The following USP54 variants were observed in gnomAD, a reference collection of about 807,000 sequenced individuals.
USP54 encodes the protein ubiquitin carboxyl-terminal hydrolase 54.
Under a neutral mutation model 170.5 loss-of-function variants are expected in USP54, and 87 were observed. The ratio of observed to expected loss-of-function variants is 0.51; its 90% CI spans 0.43 to 0.61. The LOEUF (loss-of-function observed/expected upper bound fraction) is 0.61, where lower values mean the gene tolerates loss of function less well. Ranked by LOEUF, USP54 falls within the 20% of genes least tolerant of loss-of-function variation. The pLI is 0.00. For missense variants in USP54, 1,786 were observed against 2,047.8 expected (o/e 0.87, Z 2.47); for synonymous variants, 655 against 742.8 (o/e 0.88, Z 1.92).
At chr10:73,543,497 G>C (rs1349462071) in intron 5 of USP54, among the ~76,000 whole-genome samples, 1 of 152,052 alleles carries the variant, frequency 6.6e-6, no homozygotes, top group East Asian at 1.9e-4. Context: ...CTCCCGAGTA[G>C]CTGGGACTAC....
chr10:73,530,246 T>G lies in USP54; in HGVS notation c.1725A>C (p.Thr575=), dbSNP rs571350636. 2 of 1,614,186 alleles carry G rather than the reference T, an allele frequency of 1.2e-6. No individual in the cohort carries two copies. The highest frequency in any genetic ancestry group is 2.2e-5 in the East Asian group (1 of 44,882). The part of the protein sequence containing the change: ...KSSSSSKYRP[T]WRPKRESLNI... ...TCAGAGATTCTCGTTTGGGTCTCCA[T>G]GTGGGACGATACTTGCTGGAAGAAC... The change falls in exon 14 of 24, where the codon ACA becomes ACC. Residue 575 remains threonine (T), a synonymous_variant. Coordinates refer to ENST00000687698, the MANE Select transcript of USP54 (RefSeq NM_001391956.1).
In USP54 at chr10:73,541,701, G is replaced by C. The variant is rs866780684; in HGVS notation, c.610C>G (p.Pro204Ala). The C allele has an allele frequency of 6.2e-7, 1 of 1,614,170 alleles. No individual in the cohort carries two copies. Among genetic ancestry groups the C allele is most frequent in the Non-Finnish European group, 8.5e-7 (1 of 1,180,026 alleles). ...AICMLERREK[P>A]SPSMFGELLQ... The stretch of plus-strand genomic sequence containing the variant: ...AGCTCACCAAACATGCTTGGTGAAG[G>C]TTTCTCTCGTCTTTCCAGCATACAA... The change falls in exon 8 of 24, where the codon CCT becomes GCT. Residue 204 changes from proline (P) to alanine (A), a missense_variant. Around this residue, in one of 3 missense-constraint regions of USP54, gnomAD observed 361 missense variants for 455.0 expected, o/e 0.79. Transcript: ENST00000687698.
chr10:73,548,870 TA>T (rs1268393176), intron 4 of USP54, among the ~76,000 whole-genome samples: 10 of 152,162 alleles, frequency 6.6e-5, no homozygotes, highest in Non-Finnish European at 1.3e-4. Context: ...ACTTAAAGTA[TA>T]ATTTTATTAA....
intron 20 of USP54, chr10:73,505,733 G>T (rs2059006665): frequency 5.2e-6 from 1 of 190,908 alleles, no homozygotes; most frequent in Non-Finnish European, 1.1e-5. Flanking sequence ...AGCCGGGCGT[G>T]GTGGCAGGCA....
rs2057593162 is a variant in USP54, at chr10:73,499,464, C to T, written c.4496-276G>A. 6 of 362,592 alleles carry T rather than the reference C, an allele frequency of 1.7e-5. No homozygotes were observed. In the South Asian group the frequency reaches 2.7e-4, roughly 16 times the overall value. 22.5% of individuals were successfully genotyped at this position (362,592 alleles called of 1,614,324 possible). ...CCACTATAATCTCTCATCCACTATA[C>T]ACACACCTACAAAAGAAGGGCTCCC... On this transcript the variant is annotated intron_variant, in intron 23 of 23. Coordinates refer to ENST00000687698, the MANE Select transcript of USP54 (RefSeq NM_001391956.1).
At chr10:73,602,312 G>A (rs1232672426) in intron 1 of USP54, among the ~76,000 whole-genome samples, 1 of 152,040 alleles carries the variant, frequency 6.6e-6, no homozygotes, top group Non-Finnish European at 1.5e-5. Context: ...CAGCACTTTG[G>A]GAGGCCGAGG....
At chr10:73,624,940 C>T (rs1236827451) in intron 1 of USP54, among the ~76,000 whole-genome samples, 1 of 152,146 alleles carries the variant, frequency 6.6e-6, no homozygotes. Flanking sequence ...CTAAAACTAT[C>T]CCTAGATTTA....
chr10:73,539,293 TTAAAAAAAAAAAAA>T, intron 10 of USP54, 137 bp downstream of exon 10: 1 of 240,786 alleles, frequency 4.2e-6, no homozygotes, highest in Non-Finnish European at 6.1e-6. Flanking sequence ...AAAAAAAAAA[TTAAAAAAAAAAAAA>T]ATATATATAT....
intron 4 of USP54, chr10:73,553,374 T>C (rs1407424368): frequency 6.6e-6 from 1 of 152,216 alleles, no homozygotes; most frequent in Non-Finnish European, 1.5e-5. Flanking sequence ...TAAAGCTGAC[T>C]GAGCCCGCCC....
chr10:73,551,589 T>C (rs762070912), intron 4 of USP54, among the ~76,000 whole-genome samples: 14 of 152,162 alleles, frequency 9.2e-5, no homozygotes, highest in South Asian at 2.1e-4. Flanking sequence ...ACAAATTGCA[T>C]AGTGGCCTGA....
At chr10:73,621,356 C>T (rs1432849342) in intron 1 of USP54, among the ~76,000 whole-genome samples, 1 of 149,536 alleles carries the variant, frequency 6.7e-6, no homozygotes, top group Non-Finnish European at 1.5e-5. Flanking sequence ...AATCCCAGCA[C>T]GTTGGGAGGC....
intron 18 of USP54, 81 bp downstream of exon 18, chr10:73,520,827 C>T (rs1401982458): frequency 1.3e-6 from 2 of 1,589,068 alleles, no homozygotes; most frequent in African/African-American, 2.7e-5. Context: ...CTGTTTTTAT[C>T]CTGTCTGAGT....
intron 15 of USP54, among the ~76,000 whole-genome samples, chr10:73,527,205 G>T (rs1032884257): frequency 6.6e-6 from 1 of 152,126 alleles, no homozygotes; most frequent in Non-Finnish European, 1.5e-5. Context: ...TCTACTATTA[G>T]AAAAATTGCC....
intron 7 of USP54, 141 bp downstream of exon 7, chr10:73,542,662 C>T (rs188451086): frequency 6.7e-5 from 49 of 733,588 alleles, no homozygotes; most frequent in Admixed American, 3.1e-4. Flanking sequence ...ACCCAGGAGG[C>T]GGAGGTTGCA....
rs540393184 is a variant in USP54 at position 73,510,034 on chromosome 10, G to T, written c.4052-4608C>A. Among the ~76,000 whole-genome samples the T allele has an allele frequency of 1.9e-4, 29 of 152,032 alleles. No individual in the cohort carries two copies. In the South Asian group the frequency reaches 6.0e-3, roughly 32 times the overall value. On this transcript the variant is annotated intron_variant, in intron 20 of 23. Transcript: ENST00000687698. Reference sequence around the variant, plus strand: ...TAGAGGGGAAAGGAAAGTGGGGGAGGTATAGCTAAATCAAAACTGGCCATA... The same window carrying T: ...TAGAGGGGAAAGGAAAGTGGGGGAGTTATAGCTAAATCAAAACTGGCCATA...
At chr10:73,567,367 G>A (rs2074088562) in intron 4 of USP54, among the ~76,000 whole-genome samples, 1 of 151,832 alleles carries the variant, frequency 6.6e-6, no homozygotes, top group South Asian at 2.1e-4. Flanking sequence ...TCTGTTTGTT[G>A]CCAGCTATAG....
intron 4 of USP54, among the ~76,000 whole-genome samples, chr10:73,559,785 C>T (rs555606820): frequency 7.9e-5 from 12 of 151,310 alleles, no homozygotes; most frequent in East Asian, 2.0e-4. Context: ...CAAACAGGGC[C>T]GGGCATGGTG....
At chr10:73,514,891 T>C (rs1297455690) in intron 20 of USP54, among the ~76,000 whole-genome samples, 8 of 151,408 alleles carry the variant, frequency 5.3e-5, no homozygotes, top group African/African-American at 1.7e-4. Flanking sequence ...AATACAAGAG[T>C]TAGCCAGGTG....
intron 1 of USP54, among the ~76,000 whole-genome samples, chr10:73,614,626 A>G (rs2080468611): frequency 6.7e-6 from 1 of 149,446 alleles, no homozygotes. Context: ...TGGTGGATAT[A>G]TGGCAATTGA....
Sources: allele counts gnomAD v4.1 joint callset (sites outside exome capture counted in the v4.1 genomes callset), GRCh38; gene constraint gnomAD v4.1.1; regional missense constraint gnomAD v4.1.1; transcripts MANE v1.5; gene names NCBI Gene and HGNC (gene_info 2026-07-23, HGNC 2026-07-21).